The following ARHGAP15 variants were observed in gnomAD, a reference collection of about 807,000 sequenced individuals.
ARHGAP15 encodes Rho GTPase activating protein 15.
ARHGAP15 carries 51 observed loss-of-function variants against 63.7 expected under a neutral mutation model. The observed-to-expected ratio is 0.80, with a 90% CI of 0.64 to 1.01. The LOEUF is 1.01. Ranked by LOEUF, ARHGAP15 falls within the 50% of genes least tolerant of loss-of-function variation. The pLI, the probability that ARHGAP15 is intolerant of heterozygous loss-of-function variation, is 0.00. For missense variants in ARHGAP15, 560 were observed against 564.6 expected (o/e 0.99, Z 0.08); for synonymous variants, 191 against 193.8 (o/e 0.99, Z 0.12).
At chr2:143,512,169 T>C (rs546074593) in intron 9 of ARHGAP15, among the ~76,000 whole-genome samples, 1 of 152,358 alleles carries the variant, frequency 6.6e-6, no homozygotes, top group South Asian at 2.1e-4. Context: ...TTTTCCACTC[T>C]TCCAGAGGTG....
intron 9 of ARHGAP15, among the ~76,000 whole-genome samples, chr2:143,510,844 T>G (rs1038517007): frequency 2.6e-5 from 4 of 152,260 alleles, no homozygotes; most frequent in Non-Finnish European, 5.9e-5. Flanking sequence ...TTTTGAAGTT[T>G]ACTAGAATCG....
intron 6 of ARHGAP15, among the ~76,000 whole-genome samples, chr2:143,372,059 G>A (rs1418009593): frequency 2.0e-5 from 3 of 151,212 alleles, no homozygotes; most frequent in Non-Finnish European, 4.4e-5. Flanking sequence ...GGACTAGTCA[G>A]CTGGGCACAG....
chr2:143,418,617 C>A (rs1023918580), intron 6 of ARHGAP15, among the ~76,000 whole-genome samples: 2 of 151,898 alleles, frequency 1.3e-5, no homozygotes, highest in Non-Finnish European at 2.9e-5. Context: ...CAGATGATTT[C>A]TAAGAATTAA....
intron 6 of ARHGAP15, among the ~76,000 whole-genome samples, chr2:143,373,629 CAAAAAAAAAAA>C (rs58153000): frequency 4.8e-5 from 3 of 62,954 alleles, no homozygotes; most frequent in Non-Finnish European, 9.3e-5. Flanking sequence ...GACTCTATCT[CAAAAAAAAAAA>C]AAAAAAAAAA....
At chr2:143,734,969 TCTTA>T (rs1209213149) in intron 13 of ARHGAP15, among the ~76,000 whole-genome samples, 1 of 152,206 alleles carries the variant, frequency 6.6e-6, no homozygotes. Flanking sequence ...GTGTCCTCTC[TCTTA>T]ATCAAGACCT....
At chr2:143,400,341 T>C (rs1687937172) in intron 6 of ARHGAP15, among the ~76,000 whole-genome samples, 1 of 151,994 alleles carries the variant, frequency 6.6e-6, no homozygotes, top group Non-Finnish European at 1.5e-5. Context: ...AGTTTGCACT[T>C]CAAACTACTT....
At chr2:143,179,152 T>C (rs1475373946) in intron 2 of ARHGAP15, among the ~76,000 whole-genome samples, 2 of 152,216 alleles carry the variant, frequency 1.3e-5, no homozygotes, top group Non-Finnish European at 2.9e-5. Flanking sequence ...GCACCTAACC[T>C]AGACCTTACA....
chr2:143,585,736 C>T (rs1018243240), intron 11 of ARHGAP15, among the ~76,000 whole-genome samples: 1 of 152,092 alleles, frequency 6.6e-6, no homozygotes, highest in African/African-American at 2.4e-5. Context: ...TACAATTATT[C>T]TTCCTTCCAG....
intron 8 of ARHGAP15, among the ~76,000 whole-genome samples, chr2:143,452,880 A>T (rs1432327941): frequency 2.6e-5 from 4 of 152,004 alleles, no homozygotes; most frequent in African/African-American, 9.7e-5. Flanking sequence ...CAAAATAAGC[A>T]TAAGCTTTCC....
chr2:143,448,273 G>A (rs10803494), intron 8 of ARHGAP15, among the ~76,000 whole-genome samples: 31,214 of 151,996 alleles, frequency 0.21, 3,539 homozygotes, highest in Admixed American at 0.29. Flanking sequence ...GGTCTCTCAC[G>A]GAATGCTAAA....
rs142960283 is a variant in ARHGAP15, at chr2:143,422,391, G to A, written c.475-13210G>A. Among the ~76,000 whole-genome samples the A allele has an allele frequency of 2.3e-3, 354 of 152,166 alleles. 1 individual carries two copies. The highest frequency in any genetic ancestry group is 6.8e-3 in the Middle Eastern group (2 of 292). On this transcript the variant is annotated intron_variant, in intron 6 of 13. Coordinates refer to ENST00000295095, the MANE Select transcript of ARHGAP15 (RefSeq NM_018460.4). ...GAGATCATGAAAAAACAAGTTAATG[G>A]CAATGGAACCATCTTGATGAAGCAG...
At chr2:143,196,422 G>A (rs1370025241) in intron 2 of ARHGAP15, among the ~76,000 whole-genome samples, 2 of 151,894 alleles carry the variant, frequency 1.3e-5, no homozygotes, top group Non-Finnish European at 2.9e-5. Context: ...GATAAGGTTG[G>A]ACTCTTTTTT....
Position 143,500,039 on chromosome 2 carries a change from A to C in ARHGAP15, c.826+12544A>C, listed in dbSNP as rs188271620. ...CTTAAGGAAAAGGCACAGTAAAGAG[A>C]ATAATTAAGTGAAATGTAAAGAAAT... is the stretch of plus-strand genomic sequence containing the variant. On this transcript the variant is annotated intron_variant, in intron 9 of 13. Transcript: ENST00000295095. Among the ~76,000 whole-genome samples, 256 of 152,152 alleles carry C rather than the reference A, an allele frequency of 1.7e-3. 1 individual carries two copies. The highest frequency in any genetic ancestry group is 5.7e-3 in the African/African-American group (239 of 41,570).
At chr2:143,411,254 C>T (rs1397103378) in intron 6 of ARHGAP15, among the ~76,000 whole-genome samples, 1 of 134,598 alleles carries the variant, frequency 7.4e-6, no homozygotes, top group African/African-American at 2.7e-5. Flanking sequence ...CATTAAGATA[C>T]TTATAAAACT....
intron 6 of ARHGAP15, among the ~76,000 whole-genome samples, chr2:143,405,912 A>G (rs1265073487): frequency 1.3e-5 from 2 of 151,928 alleles, no homozygotes; most frequent in African/African-American, 4.8e-5. Flanking sequence ...TTGTCCATAA[A>G]GTCTGGTAAT....
At chr2:143,660,833 T>C (rs1454151583) in intron 12 of ARHGAP15, among the ~76,000 whole-genome samples, 2 of 152,228 alleles carry the variant, frequency 1.3e-5, no homozygotes, top group African/African-American at 4.8e-5. Context: ...TGTGTCCTCA[T>C]TGTATCTCAT....
At chr2:143,386,435 ACTTGT>A (rs1687290753) in intron 6 of ARHGAP15, among the ~76,000 whole-genome samples, 1 of 152,174 alleles carries the variant, frequency 6.6e-6, no homozygotes, top group Admixed American at 6.5e-5. Flanking sequence ...AGAAAGCACA[ACTTGT>A]CTTGGATTAA....
chr2:143,424,071 G>T (rs1168939818), intron 6 of ARHGAP15, among the ~76,000 whole-genome samples: 2 of 152,056 alleles, frequency 1.3e-5, no homozygotes, highest in African/African-American at 4.8e-5. Context: ...ATCTTTCTAT[G>T]GTCTAGAGCA....
At chr2:143,440,255 T>C (rs187506741) in intron 8 of ARHGAP15, among the ~76,000 whole-genome samples, 67 of 152,308 alleles carry the variant, frequency 4.4e-4, no homozygotes, top group South Asian at 2.3e-3. Context: ...TTTTTTCAAG[T>C]AGGAAATACC....
Sources: allele counts gnomAD v4.1 joint callset (sites outside exome capture counted in the v4.1 genomes callset), GRCh38; gene constraint gnomAD v4.1.1; transcripts MANE v1.5; gene names NCBI Gene and HGNC (gene_info 2026-07-23, HGNC 2026-07-21).